Variants in APPL2 observed in about 807,000 individuals in gnomAD.
The protein encoded by APPL2 is DCC-interacting protein 13-beta.
A neutral mutation model predicts 92.7 loss-of-function variants in APPL2; 84 were observed. The ratio of observed to expected loss-of-function variants is 0.91; its 90% CI spans 0.76 to 1.09. The LOEUF (loss-of-function observed/expected upper bound fraction) is 1.09. Ranked by LOEUF, APPL2 falls within the 50% of genes least tolerant of loss-of-function variation. APPL2 has a pLI of 0.00. For synonymous variants in APPL2, 291 were observed against 291.0 expected (o/e 1.00, Z 0.00); for missense variants, 736 against 824.5 (o/e 0.89, Z 1.31).
chr12:105,235,176 G>A (rs1023648344), intron 1 of APPL2: 1 of 152,176 alleles, frequency 6.6e-6, no homozygotes, highest in African/African-American at 2.4e-5. Context: ...TACGAAGCTG[G>A]AGAAATGTTA....
At position 105,189,778 on chromosome 12, in the gene APPL2, C is replaced by T; in HGVS notation, c.1453G>A (p.Ala485Thr). ...GETEDESFPE[A>T]EDSLLQQMFI... is the part of the protein sequence containing the mutation. ...CACCAAACTAGTCACTTACCTTCTG[C>T]TTCTGGAAATGATTCATCCTCAGTT... Residue 485 changes from alanine to threonine, a missense_variant, in exon 16 of 21, where the codon GCA becomes ACA. By Grantham distance (58) the Ala-to-Thr change is moderately conservative. Coordinates refer to ENST00000258530, the MANE Select transcript of APPL2 (RefSeq NM_018171.5). The T allele has an allele frequency of 1.2e-6, 2 of 1,614,192 alleles. No homozygotes were observed. Among genetic ancestry groups the T allele is most frequent in the African/African-American group, 1.3e-5 (1 of 75,042 alleles).
At chr12:105,192,190 C>A (rs1383154149) in intron 14 of APPL2, among the ~76,000 whole-genome samples, 1 of 152,188 alleles carries the variant, frequency 6.6e-6, no homozygotes, top group African/African-American at 2.4e-5. Context: ...CATCAAAAGT[C>A]CCACAGGTTT....
chr12:105,203,816 T>G (rs1466133502), intron 8 of APPL2, 31 bp from the exon 9 acceptor site: 6 of 1,585,698 alleles, frequency 3.8e-6, no homozygotes, highest in Non-Finnish European at 4.3e-6. Flanking sequence ...ATTCTGAAAA[T>G]CATCCAGGGA....
Position 105,214,566 on chromosome 12 carries a change from T to C in APPL2, c.285+2503A>G, listed in dbSNP as rs76595855. ...TGATATCATGATATAATAAAAAATATGTATTTGGTCTTTGCCCCCAGTTCT... is the reference window on the plus strand; with the variant it reads ...TGATATCATGATATAATAAAAAATACGTATTTGGTCTTTGCCCCCAGTTCT... On this transcript the variant is annotated intron_variant, in intron 4 of 20. Coordinates refer to ENST00000258530, the MANE Select transcript of APPL2 (RefSeq NM_018171.5). Among the ~76,000 whole-genome samples, 780 of 152,352 alleles carry C rather than the reference T, an allele frequency of 5.1e-3. 19 individuals are homozygous for C. In the East Asian group the frequency reaches 0.073, roughly 14 times the overall value.
At chr12:105,181,555 CT>C (rs1886117543) in intron 17 of APPL2, among the ~76,000 whole-genome samples, 1 of 152,036 alleles carries the variant, frequency 6.6e-6, no homozygotes, top group Non-Finnish European at 1.5e-5. Context: ...CTCTTTGTAA[CT>C]CTGGTAGAAT....
intron 8 of APPL2, among the ~76,000 whole-genome samples, chr12:105,206,485 G>C (rs570030286): frequency 5.3e-5 from 8 of 152,294 alleles, no homozygotes; most frequent in Non-Finnish European, 8.8e-5. Context: ...TGCCACTACA[G>C]TCAACTCCCC....
In APPL2 at chr12:105,233,386, GCA is replaced by G. The variant is rs1374742430; in HGVS notation, c.54+2571_54+2572del. 6.1e-6 allele frequency: 6 copies of G among 985,352 alleles called. No homozygotes were observed. In the East Asian group the frequency reaches 5.7e-4, roughly 93 times the overall value. 61.0% of individuals were successfully genotyped at this position (985,352 alleles called of 1,614,324 possible). A position where few individuals can be genotyped will look rare whatever the true frequency, so the allele number is the denominator to read the frequency against. On this transcript the variant is annotated intron_variant, in intron 1 of 20. Coordinates refer to ENST00000258530, the MANE Select transcript of APPL2 (RefSeq NM_018171.5). The stretch of plus-strand genomic sequence containing the variant: ...GTAAGCAGAAATAACGCATGTGTAT[GCA>G]CACAGACTAGTTTTACAATGCATCG...
intron 8 of APPL2, among the ~76,000 whole-genome samples, chr12:105,204,321 C>T (rs370624684): frequency 1.3e-5 from 2 of 152,158 alleles, no homozygotes; most frequent in African/African-American, 4.8e-5. Flanking sequence ...CACATTAACC[C>T]GGCTCGTCTG....
chr12:105,203,058 C>T lies in APPL2; in HGVS notation c.704+645G>A, dbSNP rs1340686456. Among the ~76,000 whole-genome samples, 9 of 96,238 alleles carry T rather than the reference C, an allele frequency of 9.4e-5. No homozygotes were observed. In the South Asian group the frequency reaches 2.5e-3, roughly 27 times the overall value. 63.1% of individuals were successfully genotyped at this position (96,238 alleles called of 152,430 possible). A position where few individuals can be genotyped will look rare whatever the true frequency, so the allele number is the denominator to read the frequency against. On this transcript the variant is annotated intron_variant, in intron 9 of 20. Coordinates refer to ENST00000258530, the MANE Select transcript of APPL2 (RefSeq NM_018171.5). ...ACACACACACACACACACACACACA[C>T]ACACACGGACCTATTTCTGTACTCC... is the stretch of plus-strand genomic sequence containing the variant.
chr12:105,175,930 C>A lies in APPL2; in HGVS notation c.1860+105G>T, dbSNP rs960312461. On this transcript the variant is annotated intron_variant, in intron 20 of 20. Transcript: ENST00000258530. ...TTTTAAAAGGAAATCCCAAACTTGGCCACACTTTCCAGTGAACATCACTTT... is the reference window on the plus strand; with the variant it reads ...TTTTAAAAGGAAATCCCAAACTTGGACACACTTTCCAGTGAACATCACTTT... 35 of 1,170,070 alleles carry A rather than the reference C, an allele frequency of 3.0e-5. No individual in the cohort carries two copies. In the African/African-American group the frequency reaches 3.1e-4, roughly 10 times the overall value. The allele number at this position is 1,170,070 out of a possible 1,614,324, so 72.5% of individuals were successfully genotyped here.
intron 2 of APPL2, among the ~76,000 whole-genome samples, chr12:105,223,471 G>T (rs1431955908): frequency 1.3e-5 from 2 of 151,994 alleles, no homozygotes; most frequent in Admixed American, 1.3e-4. Flanking sequence ...CCAGGAGGGG[G>T]CCAGGAGACA....
chr12:105,225,253 A>C (rs1890405087), intron 2 of APPL2, among the ~76,000 whole-genome samples: 2 of 152,182 alleles, frequency 1.3e-5, no homozygotes, highest in African/African-American at 4.8e-5. Flanking sequence ...CCAGGTTACA[A>C]GGGTTGCCAG....
intron 8 of APPL2, among the ~76,000 whole-genome samples, chr12:105,206,355 TCACGGG>T (rs1368250965): frequency 6.6e-6 from 1 of 152,130 alleles, no homozygotes; most frequent in African/African-American, 2.4e-5. Flanking sequence ...GGTGCCTTTC[TCACGGG>T]CCAAAGGATG....
chr12:105,184,918 CT>C (rs1198908534), intron 17 of APPL2, among the ~76,000 whole-genome samples: 1 of 78,094 alleles, frequency 1.3e-5, no homozygotes, highest in Non-Finnish European at 3.1e-5. Context: ...AAGCCCCTGA[CT>C]GGGGGCTGCT....
At chr12:105,191,762 C>T (rs1887219649) in intron 14 of APPL2, among the ~76,000 whole-genome samples, 1 of 152,194 alleles carries the variant, frequency 6.6e-6, no homozygotes, top group South Asian at 2.1e-4. Context: ...TCTCCTTGAA[C>T]TCTCCTCTCG....
chr12:105,220,628 T>C (rs984274618), intron 2 of APPL2, among the ~76,000 whole-genome samples: 1 of 152,184 alleles, frequency 6.6e-6, no homozygotes, highest in Non-Finnish European at 1.5e-5. Flanking sequence ...TCAACACATA[T>C]AACCACCCTC....
At chr12:105,215,769 G>C (rs1027648076) in intron 4 of APPL2, among the ~76,000 whole-genome samples, 1 of 152,070 alleles carries the variant, frequency 6.6e-6, no homozygotes, top group Admixed American at 6.6e-5. Flanking sequence ...GGCCAGGCGC[G>C]GTGGCTCATG....
chr12:105,201,802 T>C (rs1048930939), intron 9 of APPL2, among the ~76,000 whole-genome samples: 9 of 152,182 alleles, frequency 5.9e-5, no homozygotes, highest in African/African-American at 2.2e-4. Flanking sequence ...TGTATCACTA[T>C]AGGGTTAGGG....
At chr12:105,200,929 G>C (rs1888146254) in intron 9 of APPL2, among the ~76,000 whole-genome samples, 1 of 151,642 alleles carries the variant, frequency 6.6e-6, no homozygotes, top group Admixed American at 6.6e-5. Flanking sequence ...TATTCATTTT[G>C]AGAGAGTCTT....
Sources: allele counts gnomAD v4.1 joint callset (sites outside exome capture counted in the v4.1 genomes callset), GRCh38; gene constraint gnomAD v4.1.1; transcripts MANE v1.5; gene names NCBI Gene and HGNC (gene_info 2026-07-23, HGNC 2026-07-21).